NUTM2E: variants seen among roughly 807,000 people sequenced by gnomAD.
The protein encoded by NUTM2E is family with sequence similarity 22, member E.
NUTM2E carries 3 observed loss-of-function variants against 26.1 expected under a neutral mutation model. The ratio of observed to expected loss-of-function variants is 0.12; its 90% confidence interval spans 0.05 to 0.30. The LOEUF is 0.30. NUTM2E is among the 10% of genes least tolerant of loss of function. The pLI is 1.00. For synonymous variants in NUTM2E, 13 were observed against 157.5 expected (o/e 0.08, Z 6.87); for missense variants, 62 against 381.3 (o/e 0.16, Z 6.97).
chr10:79,828,713 C>CT (rs1841907402), intron 1 of NUTM2E, among the ~76,000 whole-genome samples: 1 of 151,928 alleles, frequency 6.6e-6, no homozygotes, highest in South Asian at 2.1e-4. Context: ...GTCCTAGCCA[C>CT]TTATTAGCTG....
At chr10:79,834,667 T>TA (rs377301904) in intron 1 of NUTM2E, among the ~76,000 whole-genome samples, 23,022 of 135,100 alleles carry the variant, frequency 0.17, 2,365 homozygotes, top group South Asian at 0.42. Context: ...TGCTCCATCT[T>TA]AAAAAAAAAA....
In NUTM2E at chr10:79,849,947, G is replaced by A. The variant is rs760411896; in HGVS notation, c.1978G>A (p.Val660Ile). 46 of 780,126 alleles carry A rather than the reference G, an allele frequency of 5.9e-5. 4 individuals carry two copies. The highest frequency in any genetic ancestry group is 1.2e-4 in the African/African-American group (5 of 40,954). 48.3% of individuals were successfully genotyped at this position (780,126 alleles called of 1,614,324 possible). ...FAAGQGAERDVPDPQEGVGME... is the reference protein window; with the variant it reads ...FAAGQGAERDIPDPQEGVGME... ...AGCTGGCCAAGGAGCAGAGAGAGAC[G>A]TCCCTGACCCCCAAGAAGGGGTTGG... Residue 660 changes from valine (V) to isoleucine (I), a missense_variant, in exon 10 of 10, where the codon GTC becomes ATC. Transcript: ENST00000429984.
rs565803755 is a variant in NUTM2E at position 79,830,004 on chromosome 10, A to G, written c.-2728+2647A>G. 1.9e-4 allele frequency among the ~76,000 whole-genome samples: 29 copies of G among 151,776 alleles called. 2 individuals are homozygous for G. In the South Asian group the frequency reaches 2.5e-3, roughly 13 times the overall value. Reference sequence around the variant, plus strand: ...TTCAGAATGAGCTTATCCAAAAGTAAGAAGAGGACTGGGGCATACCTTTTA... The same window carrying G: ...TTCAGAATGAGCTTATCCAAAAGTAGGAAGAGGACTGGGGCATACCTTTTA... On this transcript the variant is annotated intron_variant, in intron 1 of 9. Coordinates refer to ENST00000429984, the MANE Select transcript of NUTM2E (RefSeq NM_001355263.2).
At chr10:79,849,090 A>G (rs879034050) in intron 8 of NUTM2E, among the ~76,000 whole-genome samples, 195 bp downstream of exon 8, 5 of 108,660 alleles carry the variant, frequency 4.6e-5, no homozygotes, top group African/African-American at 1.2e-4. Flanking sequence ...GTGTCTGTGT[A>G]GGTGTGAGTG....
At chr10:79,827,786 T>G (rs556074328) in intron 1 of NUTM2E, among the ~76,000 whole-genome samples, 147 of 11,262 alleles carry the variant, frequency 0.013, 4 homozygotes, top group East Asian at 0.033. Flanking sequence ...ATTTAGTGGT[T>G]TTTTTTTTGT....
At chr10:79,838,636 A>G (rs1220179104) in intron 2 of NUTM2E, among the ~76,000 whole-genome samples, 50 bp downstream of exon 2, 1 of 150,866 alleles carries the variant, frequency 6.6e-6, no homozygotes, top group Admixed American at 6.6e-5. Flanking sequence ...GGCCCCCACT[A>G]GGAAAGCTAT....
At chr10:79,835,586 A>T (rs1416033797) in intron 1 of NUTM2E, among the ~76,000 whole-genome samples, 3 of 99,652 alleles carry the variant, frequency 3.0e-5, no homozygotes, top group Admixed American at 2.4e-4. Flanking sequence ...CAGCTCAAAC[A>T]ATGTGATATG....
At position 79,849,151 on chromosome 10, in the gene NUTM2E, G is replaced by C. The variant is rs530277818; in HGVS notation, c.1735-220G>C. ...GTGTCTTTTCCTGTGTCATATGTGG[G>C]TCTGTTTGTGTGTCTGTGTGTGGTT... is the stretch of plus-strand genomic sequence containing the variant. On this transcript the variant is annotated intron_variant, in intron 8 of 9. Transcript: ENST00000429984. Among the ~76,000 whole-genome samples the C allele has an allele frequency of 5.0e-4, 40 of 80,054 alleles. 6 individuals are homozygous for C. The highest frequency in any genetic ancestry group is 1.0e-3 in the South Asian group (3 of 2,864). The allele number at this position is 80,054 out of a possible 152,430, so 52.5% of individuals were successfully genotyped here. A position where few individuals can be genotyped will look rare whatever the true frequency, so the allele number is the denominator to read the frequency against.
intron 1 of NUTM2E, among the ~76,000 whole-genome samples, chr10:79,833,951 T>C (rs375695603): frequency 6.6e-6 from 1 of 151,788 alleles, no homozygotes; most frequent in Admixed American, 6.6e-5. Context: ...GCAAAGACTT[T>C]GAACCAACCC....
chr10:79,828,503 C>T (rs1841905730), intron 1 of NUTM2E, among the ~76,000 whole-genome samples: 1 of 151,786 alleles, frequency 6.6e-6, no homozygotes, highest in Non-Finnish European at 1.5e-5. Context: ...CTATATTTTT[C>T]TTATCTCAAG....
chr10:79,848,490 G>A lies in NUTM2E; in HGVS notation c.1352-23G>A, dbSNP rs749382892. The A allele has an allele frequency of 4.4e-5, 23 of 517,786 alleles. 4 individuals carry two copies. Among genetic ancestry groups the A allele is most frequent in the Middle Eastern group, 1.2e-3 (2 of 1,692 alleles). 32.1% of individuals were successfully genotyped at this position (517,786 alleles called of 1,614,324 possible). A position where few individuals can be genotyped will look rare whatever the true frequency, so the allele number is the denominator to read the frequency against. On this transcript the variant is annotated intron_variant, in intron 7 of 9. Transcript: ENST00000429984. ...AGGAGGAGCGGCCCTCACCACGCCC[G>A]TCCTCCTCCCTCTCTGCCTCAGTGT...
chr10:79,828,241 A>T (rs368645836), intron 1 of NUTM2E, among the ~76,000 whole-genome samples: 2 of 151,828 alleles, frequency 1.3e-5, no homozygotes. Flanking sequence ...TCAGATGACT[A>T]TGTGTGTGAA....
intron 1 of NUTM2E, among the ~76,000 whole-genome samples, chr10:79,836,102 C>G (rs560599953): frequency 6.7e-4 from 101 of 151,452 alleles, no homozygotes; most frequent in African/African-American, 2.4e-3. Flanking sequence ...CAAATTAGCT[C>G]TCTTGCGCAA....
rs745941499 is a variant in NUTM2E, at chr10:79,849,376, G to A, written c.1740G>A (p.Glu580=). The A allele has an allele frequency of 8.0e-6, 5 of 622,440 alleles. No individual in the cohort carries two copies. The highest frequency in any genetic ancestry group is 1.2e-5 in the Non-Finnish European group (5 of 419,110). The allele number at this position is 622,440 out of a possible 1,614,324, so 38.6% of individuals were successfully genotyped here. ...CTTCTTCCTTCTGTTTCCAGGTGGA[G>A]GCCGTCATTCATCCCCAATTCCTGG... The part of the protein sequence containing the change: ...CSQKDFVTKV[E]AVIHPQFLEE... The change falls in exon 9 of 10, where the codon GAG becomes GAA. Residue 580 remains glutamate (E), a synonymous_variant. Transcript: ENST00000429984.
At chr10:79,835,121 CT>C (rs938962715) in intron 1 of NUTM2E, among the ~76,000 whole-genome samples, 1 of 147,400 alleles carries the variant, frequency 6.8e-6, no homozygotes, top group African/African-American at 2.5e-5. Context: ...CTGGAATCAG[CT>C]AATAATTCAC....
At chr10:79,845,267 G>A (rs1204910017) in intron 5 of NUTM2E, among the ~76,000 whole-genome samples, 1 of 112,812 alleles carries the variant, frequency 8.9e-6, no homozygotes, top group Non-Finnish European at 2.3e-5. Context: ...TGGGGCCGGG[G>A]GGAGGAGCTG....
At chr10:79,828,013 G>T (rs1223804396) in intron 1 of NUTM2E, among the ~76,000 whole-genome samples, 1 of 151,234 alleles carries the variant, frequency 6.6e-6, no homozygotes, top group Admixed American at 6.6e-5. Flanking sequence ...CAGGCTGGTC[G>T]CAAACTCCCG....
chr10:79,832,170 T>C (rs1300343979), intron 1 of NUTM2E, among the ~76,000 whole-genome samples: 1 of 152,012 alleles, frequency 6.6e-6, no homozygotes, highest in Non-Finnish European at 1.5e-5. Flanking sequence ...CACATAGACA[T>C]TCAGTTTTAG....
intron 4 of NUTM2E, among the ~76,000 whole-genome samples, chr10:79,843,541 A>C (rs1411602090): frequency 2.5e-5 from 1 of 40,666 alleles, no homozygotes; most frequent in South Asian, 9.5e-4. Flanking sequence ...CCTATTTAGC[A>C]CTTGCTGTGG....
Sources: allele counts gnomAD v4.1 joint callset (sites outside exome capture counted in the v4.1 genomes callset), GRCh38; gene constraint gnomAD v4.1.1; transcripts MANE v1.5; gene names NCBI Gene and HGNC (gene_info 2026-07-23, HGNC 2026-07-21).